The following CBFA2T3 variants were observed in gnomAD, a reference collection of about 807,000 sequenced individuals.
CBFA2T3 encodes the protein CBFA2/RUNX1 partner transcriptional co-repressor 3, also known as transcriptional corepressor CBFA2T3.
CBFA2T3 carries 31 observed loss-of-function variants against 58.6 expected under a neutral mutation model. That is an observed-to-expected ratio of 0.53 (90% CI 0.40 to 0.71). The LOEUF (loss-of-function observed/expected upper bound fraction) is 0.71, where lower values mean the gene tolerates loss of function less well. Among genes scored for constraint, CBFA2T3 ranks in the 30% least tolerant of loss-of-function variants. The pLI is 0.00. For missense variants in CBFA2T3, 1,076 were observed against 963.1 expected (o/e 1.12, Z -1.55); for synonymous variants, 531 against 421.9 (o/e 1.26, Z -3.17).
chr16:88,906,514 C>G (rs181834913), intron 1 of CBFA2T3, among the ~76,000 whole-genome samples: 7 of 152,380 alleles, frequency 4.6e-5, no homozygotes, highest in Admixed American at 4.6e-4. Context: ...TAAAATCGCA[C>G]AGAGCTTCAC....
intron 1 of CBFA2T3, among the ~76,000 whole-genome samples, chr16:88,941,562 G>C (rs1174910882): frequency 6.7e-6 from 1 of 148,152 alleles, no homozygotes; most frequent in Non-Finnish European, 1.5e-5. Context: ...GGCCGGGGCT[G>C]TGCGGAGCGC....
Position 88,951,315 on chromosome 16 carries a change from G to C in CBFA2T3, c.151+25342C>G, listed in dbSNP as rs568960609. 21 of 457,588 alleles carry C rather than the reference G, an allele frequency of 4.6e-5. 1 individual carries two copies. The Middle Eastern group carries it at 9.7e-4, about 21-fold the overall frequency. The allele number at this position is 457,588 out of a possible 1,614,324, so 28.3% of individuals were successfully genotyped here. On this transcript the variant is annotated intron_variant, in intron 1 of 11. Coordinates refer to ENST00000268679, the MANE Select transcript of CBFA2T3 (RefSeq NM_005187.6). ...CACCAGCACAGAGGGTCGAGTGTTG[G>C]CACCTGTCTTCTGGGTCTCCATCCC... is the stretch of plus-strand genomic sequence containing the variant.
intron 1 of CBFA2T3, 49 bp from the exon 2 acceptor site, chr16:88,901,705 A>G: frequency 6.7e-7 from 1 of 1,492,320 alleles, no homozygotes. Context: ...CTAAGTGCAA[A>G]GGCCAGGGCC....
In CBFA2T3 at chr16:88,885,285, G is replaced by T; in HGVS notation, c.894-16C>A. On this transcript the variant is annotated splice_polypyrimidine_tract_variant and intron_variant, in intron 6 of 11. Coordinates refer to ENST00000268679, the MANE Select transcript of CBFA2T3 (RefSeq NM_005187.6). The surrounding 1 kb of genome is among the most constrained non-coding windows in gnomAD (Gnocchi z 5.3). The stretch of plus-strand genomic sequence containing the variant: ...CTCTTTGGTCCTAGCCCCAAGAGCA[G>T]GTGGGGCGAGGGCAGTGGACATAGG... 1 of 1,509,090 alleles carries T rather than the reference G, an allele frequency of 6.6e-7. No homozygotes were observed. Among genetic ancestry groups the T allele is most frequent in the South Asian group, 1.3e-5 (1 of 77,756 alleles). The allele number at this position is 1,509,090 out of a possible 1,614,324, so 93.5% of individuals were successfully genotyped here.
chr16:88,927,272 G>A lies in CBFA2T3; in HGVS notation c.152-25616C>T, dbSNP rs763909844. 4.6e-5 allele frequency among the ~76,000 whole-genome samples: 7 copies of A among 152,284 alleles called. No homozygotes were observed. The South Asian group carries it at 1.0e-3, about 23-fold the overall frequency. On this transcript the variant is annotated intron_variant, in intron 1 of 11. Transcript: ENST00000268679. ...AGGTCGACGTGACAAGCCGGGTCCC[G>A]CCCTGCCCTCGGGTGCATGGACTTC...
At chr16:88,931,085 C>T (rs1025515708) in intron 1 of CBFA2T3, among the ~76,000 whole-genome samples, 7 of 152,106 alleles carry the variant, frequency 4.6e-5, no homozygotes, top group African/African-American at 1.7e-4. Context: ...TAACCTGCCC[C>T]TGCCAGGGAC....
intron 1 of CBFA2T3, among the ~76,000 whole-genome samples, chr16:88,926,134 G>A (rs2097419705): frequency 6.6e-6 from 1 of 152,234 alleles, no homozygotes; most frequent in Admixed American, 6.5e-5. Flanking sequence ...CACTGTGATG[G>A]GGCCAGTGAG....
At chr16:88,909,581 C>T (rs1377723111) in intron 1 of CBFA2T3, among the ~76,000 whole-genome samples, 1 of 152,188 alleles carries the variant, frequency 6.6e-6, no homozygotes, top group South Asian at 2.1e-4. Flanking sequence ...ACCATCACGG[C>T]GGCTGGGACG....
chr16:88,892,450 T>G lies in CBFA2T3; in HGVS notation c.415A>C (p.Asn139His). Residue 139 changes from asparagine (N) to histidine (H), a missense_variant, in exon 4 of 12, where the codon AAT (asparagine) becomes CAT (histidine). By Grantham distance (68) the Asn-to-His change is moderately conservative. Coordinates refer to ENST00000268679, the MANE Select transcript of CBFA2T3 (RefSeq NM_005187.6). ...NGSSHSPTAINGAPCTPNGFS... is the reference protein window; with the variant it reads ...NGSSHSPTAIHGAPCTPNGFS... ...CCGTTGGGTGTGCACGGTGCACCAT[T>G]GATGGCTGTTGGTGAGTGGCTGCTG... The G allele has an allele frequency of 6.2e-7, 1 of 1,613,276 alleles. No homozygotes were observed. Among genetic ancestry groups the G allele is most frequent in the Non-Finnish European group, 8.5e-7 (1 of 1,179,910 alleles).
At chr16:88,927,347 T>C (rs1971115822) in intron 1 of CBFA2T3, among the ~76,000 whole-genome samples, 2 of 152,316 alleles carry the variant, frequency 1.3e-5, no homozygotes, top group South Asian at 4.1e-4. Context: ...GGGCCCCATC[T>C]GTGGGGAGAG....
At chr16:88,901,720 G>GCC in intron 1 of CBFA2T3, 64 bp from the exon 2 acceptor site, 11 of 1,426,888 alleles carry the variant, frequency 7.7e-6, no homozygotes, top group Non-Finnish European at 1.0e-5. Flanking sequence ...AGGGCCCGCA[G>GCC]CCCCACGGTT....
At chr16:88,881,256 C>A in intron 9 of CBFA2T3, 35 bp downstream of exon 9, 2 of 1,567,402 alleles carry the variant, frequency 1.3e-6, no homozygotes, top group Non-Finnish European at 8.7e-7. Flanking sequence ...CAGAGCACCC[C>A]GTGTCTGCTC....
chr16:88,910,812 C>A (rs558526941), intron 1 of CBFA2T3, among the ~76,000 whole-genome samples: 20 of 152,314 alleles, frequency 1.3e-4, no homozygotes, highest in African/African-American at 4.8e-4. Flanking sequence ...CCCTTCTTGG[C>A]AGGCTCTAGG....
intron 1 of CBFA2T3, among the ~76,000 whole-genome samples, chr16:88,964,303 G>A (rs763559600): frequency 4.6e-5 from 7 of 151,382 alleles, no homozygotes; most frequent in Non-Finnish European, 8.8e-5. Flanking sequence ...CCTGCCTCCT[G>A]TTCGGAAACC....
In CBFA2T3 at chr16:88,875,039, C is replaced by T. The variant is rs949884764; in HGVS notation, c.*1937G>A. ...CCCGTATTGCACTGAGTTCCTAGAA[C>T]TCCTGATAGCCACGCACACAGATGC... On this transcript the variant is annotated 3_prime_UTR_variant, in exon 12 of 12. Coordinates refer to ENST00000268679, the MANE Select transcript of CBFA2T3 (RefSeq NM_005187.6). The T allele has an allele frequency of 3.0e-5, 7 of 234,968 alleles. No individual in the cohort carries two copies. The East Asian group carries it at 4.2e-4, about 14-fold the overall frequency. The allele number at this position is 234,968 out of a possible 1,614,324, so 14.6% of individuals were successfully genotyped here.
intron 1 of CBFA2T3, among the ~76,000 whole-genome samples, chr16:88,908,351 AAAAAGG>A (rs1266266564): frequency 6.6e-6 from 1 of 151,998 alleles, no homozygotes; most frequent in African/African-American, 2.4e-5. Flanking sequence ...CAAAAAAAAA[AAAAAGG>A]AAAAGAAAAA....
rs190174966 is a variant in CBFA2T3, at chr16:88,889,900, T to C, written c.711+1982A>G. Among the ~76,000 whole-genome samples the C allele has an allele frequency of 1.1e-3, 75 of 70,948 alleles. 1 individual carries two copies. The highest frequency in any genetic ancestry group is 1.7e-3 in the South Asian group (3 of 1,718). 46.5% of individuals were successfully genotyped at this position (70,948 alleles called of 152,430 possible). A position where few individuals can be genotyped will look rare whatever the true frequency, so the allele number is the denominator to read the frequency against. ...ACGACGCCCCGCGATTCCTCCTCCT[T>C]CAGGGACGACGCCCCGCGATTCCTC... On this transcript the variant is annotated intron_variant, in intron 5 of 11. Coordinates refer to ENST00000268679, the MANE Select transcript of CBFA2T3 (RefSeq NM_005187.6).
At chr16:88,930,883 G>T (rs865950673) in intron 1 of CBFA2T3, among the ~76,000 whole-genome samples, 22 of 151,500 alleles carry the variant, frequency 1.5e-4, no homozygotes, top group Non-Finnish European at 4.4e-5. Context: ...CAGTGGGAGT[G>T]GGGTTTCCTT....
At chr16:88,933,751 G>A (rs948400330) in intron 1 of CBFA2T3, among the ~76,000 whole-genome samples, 6 of 141,040 alleles carry the variant, frequency 4.3e-5, no homozygotes, top group East Asian at 2.1e-4. Context: ...GCCTCTATAC[G>A]CCTCACACGC....
Sources: allele counts gnomAD v4.1 joint callset (sites outside exome capture counted in the v4.1 genomes callset), GRCh38; gene constraint gnomAD v4.1.1; non-coding constraint Gnocchi (gnomAD v3.1); transcripts MANE v1.5; gene names NCBI Gene and HGNC (gene_info 2026-07-23, HGNC 2026-07-21).